Variants in MYO7B observed in about 807,000 individuals in gnomAD.
MYO7B encodes unconventional myosin-VIIb.
MYO7B carries 212 observed loss-of-function variants against 259.7 expected under a neutral mutation model. That is an observed-to-expected ratio of 0.82 (90% confidence interval 0.73 to 0.91). MYO7B has a LOEUF of 0.91. Among genes scored for constraint, MYO7B ranks in the 40% least tolerant of loss-of-function variants. The pLI, the probability that MYO7B is intolerant of heterozygous loss-of-function variation, is 0.00. For missense variants in MYO7B, 2,732 were observed against 2,813.5 expected (o/e 0.97, Z 0.66); for synonymous variants, 1,197 against 1,166.4 (o/e 1.03, Z -0.54).
rs1680197169 is a variant in MYO7B, at chr2:127,607,373, C to T, written c.2592C>T (p.Ala864=). 1.3e-6 allele frequency: 2 copies of T among 1,551,388 alleles called. No individual in the cohort carries two copies. The highest frequency in any genetic ancestry group is 4.9e-5 in the East Asian group (2 of 40,916). The change falls in exon 21 of 48, where the codon GCC becomes GCT. Residue 864 remains alanine, a synonymous_variant. Coordinates refer to ENST00000409816, the MANE Select transcript of MYO7B (RefSeq NM_001393586.1). This position sits in a 1 kb window ranked among gnomAD's most constrained non-coding sequence, Gnocchi z 4.4. ...AKRRAVVVIQ[A]HARGMAARRN... is the part of the protein sequence containing the mutation. The stretch of plus-strand genomic sequence containing the variant: ...GGAGGGCAGTGGTGGTCATTCAGGC[C>T]CATGCCAGGGGCATGGCTGCCCGGC...
intron 1 of MYO7B, among the ~76,000 whole-genome samples, chr2:127,549,171 T>G (rs909823263): frequency 1.5e-5 from 2 of 136,810 alleles, no homozygotes; most frequent in East Asian, 4.3e-4. Context: ...TTCCTTTCTT[T>G]CTTTCTTTCT....
At position 127,630,846 on chromosome 2, in the gene MYO7B, TC is replaced by T; in HGVS notation, c.4877del (p.Pro1626LeufsTer28). ...AQEGQFTEPR[P>X]EEPPKEKLHT... ...AGGAGGGGCAGTTCACAGAGCCACG[TC>T]CTGAGGAGCCACCCAAGGAAAAGCT... On this transcript the variant is annotated frameshift_variant, in exon 36 of 48. Coordinates refer to ENST00000409816, the MANE Select transcript of MYO7B (RefSeq NM_001393586.1). LOFTEE classifies it high-confidence loss of function. 1 of 1,612,490 alleles carries T rather than the reference TC, an allele frequency of 6.2e-7. No homozygotes were observed.
At position 127,627,230 on chromosome 2, in the gene MYO7B, G is replaced by C; in HGVS notation, c.4380G>C (p.Lys1460Asn). ...AGCTGATCTTGGCTGTTAACTGGAA[G>C]GGGCTTTGCTTCCTGGACCAGCAGG... Reference protein sequence around the residue: ...KTQLILAVNWKGLCFLDQQEK... With the variant: ...KTQLILAVNWNGLCFLDQQEK... Residue 1460 changes from lysine (K) to asparagine (N), a missense_variant, in exon 33 of 48, where the codon AAG becomes AAC. Transcript: ENST00000409816. The surrounding 1 kb of genome is among the most constrained non-coding windows in gnomAD (Gnocchi z 5.6). 1.9e-6 allele frequency: 3 copies of C among 1,611,218 alleles called. No homozygotes were observed. The highest frequency in any genetic ancestry group is 2.5e-6 in the Non-Finnish European group (3 of 1,178,924).
In MYO7B at chr2:127,637,699, A is replaced by C; in HGVS notation, c.*282A>C. ...CCCAACCCCACCCCACCCCACCAGA[A>C]TGTTCAATAAAAACTCCTGGAGCAG... On this transcript the variant is annotated 3_prime_UTR_variant, in exon 48 of 48. Coordinates refer to ENST00000409816, the MANE Select transcript of MYO7B (RefSeq NM_001393586.1). 2.2e-5 allele frequency: 8 copies of C among 359,848 alleles called. No homozygotes were observed. The highest frequency in any genetic ancestry group is 1.0e-4 in the South Asian group (1 of 10,014). 22.3% of individuals were successfully genotyped at this position (359,848 alleles called of 1,614,324 possible). A position where few individuals can be genotyped will look rare whatever the true frequency, so the allele number is the denominator to read the frequency against.
At chr2:127,536,536 C>T (rs1420671106) in intron 1 of MYO7B, among the ~76,000 whole-genome samples, 1 of 151,962 alleles carries the variant, frequency 6.6e-6, no homozygotes, top group Non-Finnish European at 1.5e-5. Flanking sequence ...GGCTGTCCCC[C>T]TTGAGCTGTC....
intron 19 of MYO7B, among the ~76,000 whole-genome samples, 196 bp downstream of exon 19, chr2:127,596,752 G>A (rs1679785597): frequency 6.6e-6 from 1 of 152,132 alleles, no homozygotes. Flanking sequence ...TGGAATGTTT[G>A]GAAAAAACAA....
In MYO7B at chr2:127,582,173, G is replaced by T. The variant is rs958591433; in HGVS notation, c.1201-131G>T. ...TGGACTCCTCAGCCTCTTGGGCCCT[G>T]GTTTCTTGCCTTTGAAGGAGGGATA... On this transcript the variant is annotated intron_variant, in intron 11 of 47. Coordinates refer to ENST00000409816, the MANE Select transcript of MYO7B (RefSeq NM_001393586.1). 7 of 1,461,758 alleles carry T rather than the reference G, an allele frequency of 4.8e-6. No homozygotes were observed. The African/African-American group carries it at 9.9e-5, about 21-fold the overall frequency. 90.5% of individuals were successfully genotyped at this position (1,461,758 alleles called of 1,614,324 possible).
intron 1 of MYO7B, among the ~76,000 whole-genome samples, chr2:127,541,160 G>C (rs1005119898): frequency 2.0e-5 from 3 of 151,948 alleles, no homozygotes; most frequent in African/African-American, 7.3e-5. Context: ...GAGCTTCTCT[G>C]AGCCATCTCC....
rs1680144274 is a variant in MYO7B, at chr2:127,605,947, G to A, written c.2424+19G>A. The A allele has an allele frequency of 6.9e-7, 1 of 1,458,178 alleles. No homozygotes were observed. 90.3% of individuals were successfully genotyped at this position (1,458,178 alleles called of 1,614,324 possible). ...CAAGCTGGTGAGAGAGCTCTCTGGGGCGGCTGGGCCGCGGGACCAGCGGGT... is the reference window on the plus strand; with the variant it reads ...CAAGCTGGTGAGAGAGCTCTCTGGGACGGCTGGGCCGCGGGACCAGCGGGT... On this transcript the variant is annotated intron_variant, in intron 20 of 47. Transcript: ENST00000409816.
At chr2:127,588,008 A>G (rs1159732026) in intron 14 of MYO7B, among the ~76,000 whole-genome samples, 3 of 152,192 alleles carry the variant, frequency 2.0e-5, no homozygotes, top group African/African-American at 7.2e-5. Flanking sequence ...GGACACCAAC[A>G]TATGAATTTT....
intron 7 of MYO7B, among the ~76,000 whole-genome samples, chr2:127,575,934 A>T (rs560002187): frequency 6.6e-6 from 1 of 152,316 alleles, no homozygotes; most frequent in Admixed American, 6.5e-5. Context: ...ACACTACTGC[A>T]TATGCTTCAG....
Position 127,636,529 on chromosome 2 carries a change from T to C in MYO7B, c.6124-16T>C. ...CTCCCGGGCTGGACTATGACCGCCG[T>C]GTCCCTCCCTCCCAGCAAACCTCGG... On this transcript the variant is annotated splice_polypyrimidine_tract_variant and intron_variant, in intron 45 of 47. Transcript: ENST00000409816. The surrounding 1 kb of genome is among the most constrained non-coding windows in gnomAD (Gnocchi z 4.5). 1 of 1,605,258 alleles carries C rather than the reference T, an allele frequency of 6.2e-7. No individual in the cohort carries two copies. The highest frequency in any genetic ancestry group is 8.5e-7 in the Non-Finnish European group (1 of 1,175,974).
chr2:127,618,200 C>G (rs1346138885), intron 26 of MYO7B, among the ~76,000 whole-genome samples: 1 of 152,172 alleles, frequency 6.6e-6, no homozygotes, highest in Non-Finnish European at 1.5e-5. Context: ...TACTTGAGAT[C>G]GTCATTACGG....
chr2:127,542,114 A>G (rs1414351738), intron 1 of MYO7B, among the ~76,000 whole-genome samples: 1 of 152,254 alleles, frequency 6.6e-6, no homozygotes, highest in Non-Finnish European at 1.5e-5. Context: ...AACATCTCGC[A>G]GGGACATATA....
Position 127,630,768 on chromosome 2 carries a change from C to T in MYO7B, c.4807-10C>T, listed in dbSNP as rs768426579. The T allele has an allele frequency of 1.5e-5, 24 of 1,612,238 alleles. No individual in the cohort carries two copies. The East Asian group carries it at 3.8e-4, about 25-fold the overall frequency. On this transcript the variant is annotated splice_polypyrimidine_tract_variant and intron_variant, in intron 35 of 47. Coordinates refer to ENST00000409816, the MANE Select transcript of MYO7B (RefSeq NM_001393586.1). ...GCTCCTGGGCACCCACAGGCCTGTGCCCCCTTCAGAGCTTGCTTGCCATGT... is the reference window on the plus strand; with the variant it reads ...GCTCCTGGGCACCCACAGGCCTGTGTCCCCTTCAGAGCTTGCTTGCCATGT...
At chr2:127,591,813 C>T (rs542726295) in intron 16 of MYO7B, among the ~76,000 whole-genome samples, 17 of 152,302 alleles carry the variant, frequency 1.1e-4, no homozygotes, top group African/African-American at 4.1e-4. Context: ...GCCTGACACC[C>T]CAGGGAAGGA....
At position 127,634,133 on chromosome 2, in the gene MYO7B, C is replaced by G. The variant is rs113154737; in HGVS notation, c.5512-43C>G. On this transcript the variant is annotated intron_variant, in intron 40 of 47. Transcript: ENST00000409816. The stretch of plus-strand genomic sequence containing the variant: ...AAGGCTCATCCTGGGCTGTACTGGC[C>G]CCTAGCCAGGCCCCGGGCCTCACCA... 6 of 1,493,662 alleles carry G rather than the reference C, an allele frequency of 4.0e-6. No homozygotes were observed. In the South Asian group the frequency reaches 7.2e-5, roughly 18 times the overall value. The allele number at this position is 1,493,662 out of a possible 1,614,324, so 92.5% of individuals were successfully genotyped here.
At chr2:127,619,020 T>TGTGGGGGCTGGCTGAATG (rs1402897932) in intron 26 of MYO7B, among the ~76,000 whole-genome samples, 2 of 100,408 alleles carry the variant, frequency 2.0e-5, no homozygotes, top group South Asian at 7.1e-4. Context: ...CTGGTTGGGT[T>TGTGGGGGCTGGCTGAATG]GTGGGGGCTG....
intron 1 of MYO7B, among the ~76,000 whole-genome samples, chr2:127,538,722 C>T (rs1278996397): frequency 3.3e-5 from 5 of 152,030 alleles, no homozygotes; most frequent in Non-Finnish European, 2.9e-5. Context: ...CACACCACCA[C>T]GCCCGGCTAA....
Sources: gnomAD v4.1 joint callset for allele counts (sites outside exome capture counted in the v4.1 genomes callset) on GRCh38, gnomAD v4.1.1 for gene constraint, Gnocchi (gnomAD v3.1) non-coding constraint, MANE v1.5 for transcripts, NCBI Gene and HGNC (gene_info 2026-07-23, HGNC 2026-07-21) for gene names.